The following AGBL1 variants were observed in gnomAD, a reference collection of about 807,000 sequenced individuals.
AGBL1 encodes cytosolic carboxypeptidase 4.
A neutral mutation model predicts 118.9 loss-of-function variants in AGBL1; 130 were observed. The observed-to-expected ratio is 1.09, with a 90% CI of 0.95 to 1.26. The LOEUF (loss-of-function observed/expected upper bound fraction) is 1.26. Ranked by LOEUF, AGBL1 falls within the 50% of genes most tolerant of loss-of-function variation. AGBL1 has a pLI of 0.00. For synonymous variants in AGBL1, 555 were observed against 478.9 expected (o/e 1.16, Z -2.08); for missense variants, 1,584 against 1,298.1 (o/e 1.22, Z -3.38).
rs58789929 is a variant in AGBL1, at chr15:86,613,141, G to A, written c.2994+58604G>A. The stretch of plus-strand genomic sequence containing the variant: ...GTGTTACAGGCCATGGTTCTTAACC[G>A]TGGCAAAATAAATCTCTAAATTGAT... On this transcript the variant is annotated intron_variant, in intron 21 of 22. Transcript: ENST00000614907. This position sits in a 1 kb window ranked among gnomAD's most constrained non-coding sequence, Gnocchi z 4.2. Among the ~76,000 whole-genome samples, 4 of 152,270 alleles carry A rather than the reference G, an allele frequency of 2.6e-5. No individual in the cohort carries two copies. Among genetic ancestry groups the A allele is most frequent in the East Asian group, 1.9e-4 (1 of 5,184 alleles).
At chr15:86,631,286 AGG>A (rs1285056531) in intron 21 of AGBL1, 1 of 151,440 alleles carries the variant, frequency 6.6e-6, no homozygotes, top group Non-Finnish European at 1.5e-5. Context: ...AGGAGGAAGT[AGG>A]GGGAGACGTA....
chr15:86,247,730 C>T lies in AGBL1; in HGVS notation c.586C>T (p.Gln196Ter). 2 of 1,613,744 alleles carry T rather than the reference C, an allele frequency of 1.2e-6. No individual in the cohort carries two copies. Among genetic ancestry groups the T allele is most frequent in the Non-Finnish European group, 8.5e-7 (1 of 1,179,770 alleles). ...GYVTSLLGLH[Q>*]DWHSHDTANA... ...CGTCACCAGCCTGCTCGGGCTGCACCAGGACTGGCACAGCCATGACACAGC... is the reference window on the plus strand; with the variant it reads ...CGTCACCAGCCTGCTCGGGCTGCACTAGGACTGGCACAGCCATGACACAGC... The change falls in exon 7 of 23, where the codon CAG becomes TAG. Residue 196 changes from glutamine (Q) to a stop codon, truncating the protein, a stop_gained. Coordinates refer to ENST00000614907, the MANE Select transcript of AGBL1 (RefSeq NM_001386094.1). LOFTEE classifies it high-confidence loss of function.
chr15:86,996,449 T>C (rs8023616), intron 24 of AGBL1, among the ~76,000 whole-genome samples: 14,934 of 152,212 alleles, frequency 0.098, 1,293 homozygotes, highest in African/African-American at 0.23. Context: ...CTTTAATCTG[T>C]GTTTGGAGAT....
chr15:86,591,911 G>C (rs2084342451), intron 21 of AGBL1, among the ~76,000 whole-genome samples: 1 of 152,176 alleles, frequency 6.6e-6, no homozygotes, highest in African/African-American at 2.4e-5. Flanking sequence ...GGGGCTGCCA[G>C]TCACCAGTCA....
At chr15:86,221,341 G>A (rs1277299171) in intron 5 of AGBL1, among the ~76,000 whole-genome samples, 3 of 152,196 alleles carry the variant, frequency 2.0e-5, no homozygotes, top group South Asian at 2.1e-4. Flanking sequence ...CCCAGTTCAC[G>A]CACTCAATAC....
At chr15:86,301,123 T>C (rs2079737652) in intron 17 of AGBL1, among the ~76,000 whole-genome samples, 1 of 152,170 alleles carries the variant, frequency 6.6e-6, no homozygotes, top group Non-Finnish European at 1.5e-5. Context: ...CAACAGTGGT[T>C]GGTCCCAGGA....
chr15:86,504,404 T>G (rs2082950915), intron 18 of AGBL1, among the ~76,000 whole-genome samples: 1 of 151,616 alleles, frequency 6.6e-6, no homozygotes, highest in South Asian at 2.1e-4. Flanking sequence ...CCATTTACAT[T>G]TAATATAATT....
intron 23 of AGBL1, among the ~76,000 whole-genome samples, chr15:86,954,453 T>G (rs1193941904): frequency 6.6e-6 from 1 of 152,186 alleles, no homozygotes; most frequent in Non-Finnish European, 1.5e-5. Context: ...ATATACACCA[T>G]GGAACACTGT....
intron 22 of AGBL1, among the ~76,000 whole-genome samples, chr15:86,697,574 C>T (rs889396191): frequency 6.6e-6 from 1 of 150,980 alleles, no homozygotes; most frequent in Non-Finnish European, 1.5e-5. Flanking sequence ...GCTTGATAAT[C>T]AACCTTCTGA....
chr15:86,104,825 C>T (rs1408335780), intron 1 of AGBL1, among the ~76,000 whole-genome samples: 10 of 152,168 alleles, frequency 6.6e-5, no homozygotes, highest in Admixed American at 6.5e-5. Flanking sequence ...CGAGCTCCCT[C>T]TCTGGAGTAA....
At chr15:86,425,324 G>A (rs573828562) in intron 18 of AGBL1, among the ~76,000 whole-genome samples, 9 of 152,084 alleles carry the variant, frequency 5.9e-5, no homozygotes, top group African/African-American at 2.2e-4. Context: ...TCACTCATAA[G>A]TGGGAGTTGA....
intron 22 of AGBL1, among the ~76,000 whole-genome samples, chr15:86,699,398 A>G (rs1418313172): frequency 6.6e-6 from 1 of 152,048 alleles, no homozygotes; most frequent in Non-Finnish European, 1.5e-5. Flanking sequence ...TCTTACTGAA[A>G]ATGTTTAGTT....
At chr15:86,157,408 C>T (rs554868513) in intron 4 of AGBL1, among the ~76,000 whole-genome samples, 1 of 152,308 alleles carries the variant, frequency 6.6e-6, no homozygotes, top group South Asian at 2.1e-4. Context: ...TGAAGCATTT[C>T]CTGGTTTCCT....
chr15:86,637,773 G>A (rs2085121358), intron 21 of AGBL1, among the ~76,000 whole-genome samples: 1 of 152,126 alleles, frequency 6.6e-6, no homozygotes, highest in African/African-American at 2.4e-5. Context: ...GAATGAAAGA[G>A]AAGGAACACA....
Position 86,474,680 on chromosome 15 carries a change from A to T in AGBL1, c.2556-48130A>T, listed in dbSNP as rs564572189. On this transcript the variant is annotated intron_variant, in intron 18 of 22. Coordinates refer to ENST00000614907, the MANE Select transcript of AGBL1 (RefSeq NM_001386094.1). ...CATAGCCAAACAAAAGGCAGCAGAAACCTCTGCAGACTTAAATGTCCCTGT... is the reference window on the plus strand; with the variant it reads ...CATAGCCAAACAAAAGGCAGCAGAATCCTCTGCAGACTTAAATGTCCCTGT... Among the ~76,000 whole-genome samples the T allele has an allele frequency of 1.7e-3, 266 of 152,054 alleles. 8 individuals carry two copies. The South Asian group carries it at 0.053, about 30-fold the overall frequency.
intron 18 of AGBL1, among the ~76,000 whole-genome samples, chr15:86,430,951 T>G (rs2081928487): frequency 2.0e-5 from 3 of 152,186 alleles, no homozygotes; most frequent in Admixed American, 2.0e-4. Context: ...GAAGGGGTAA[T>G]ACTAAAATGC....
intron 20 of AGBL1, among the ~76,000 whole-genome samples, chr15:86,550,509 G>T (rs931580941): frequency 1.3e-5 from 2 of 152,040 alleles, no homozygotes; most frequent in Non-Finnish European, 2.9e-5. Context: ...ACATTAAAAG[G>T]AGAAATATTA....
intron 21 of AGBL1, among the ~76,000 whole-genome samples, chr15:86,653,486 G>A (rs531717613): frequency 9.9e-5 from 15 of 152,248 alleles, no homozygotes; most frequent in Non-Finnish European, 8.8e-5. Context: ...ACAGACATCG[G>A]ATATAAACCA....
chr15:86,393,660 C>G (rs183225264), intron 17 of AGBL1, among the ~76,000 whole-genome samples: 2 of 152,276 alleles, frequency 1.3e-5, no homozygotes, highest in Non-Finnish European at 2.9e-5. Flanking sequence ...GCCTAGCTAG[C>G]TAACTGTACA....
Sources: gnomAD v4.1 joint callset for allele counts (sites outside exome capture counted in the v4.1 genomes callset) on GRCh38, gnomAD v4.1.1 for gene constraint, Gnocchi (gnomAD v3.1) non-coding constraint, MANE v1.5 for transcripts, NCBI Gene and HGNC (gene_info 2026-07-23, HGNC 2026-07-21) for gene names.